Variants in LARS1 observed in about 807,000 individuals in gnomAD.
LARS1 encodes leucine--tRNA ligase, cytoplasmic.
Under a neutral mutation model 162.8 loss-of-function variants are expected in LARS1, and 100 were observed. The observed-to-expected ratio is 0.61, with a 90% CI of 0.52 to 0.73. The LOEUF is 0.73. Ranked by LOEUF, LARS1 falls within the 30% of genes least tolerant of loss-of-function variation. The pLI, the probability that LARS1 is intolerant of heterozygous loss-of-function variation, is 0.00. For synonymous variants in LARS1, 457 were observed against 462.8 expected, an observed-to-expected ratio of 0.99 and a Z score of 0.16; for missense variants, 1,258 against 1,408.9, an observed-to-expected ratio of 0.89 and a Z score of 1.71.
In LARS1 at chr5:146,120,519, G is replaced by C; in HGVS notation, c.3193-16C>G. 6.2e-7 allele frequency: 1 copy of C among 1,605,610 alleles called. No homozygotes were observed. The highest frequency in any genetic ancestry group is 8.5e-7 in the Non-Finnish European group (1 of 1,176,804). On this transcript the variant is annotated splice_polypyrimidine_tract_variant and intron_variant, in intron 30 of 31. Transcript: ENST00000394434. ...ACACACCAGGCTAGGAAAACAACAAGAAAATGATTGTTTAACTTGAATACT... is the reference window on the plus strand; with the variant it reads ...ACACACCAGGCTAGGAAAACAACAACAAAATGATTGTTTAACTTGAATACT...
At chr5:146,140,838 A>ACACACATATAC (rs1752742186) in intron 20 of LARS1, among the ~76,000 whole-genome samples, 2 of 152,036 alleles carry the variant, frequency 1.3e-5, no homozygotes, top group Non-Finnish European at 2.9e-5. Context: ...CACACATATA[A>ACACACATATAC]ATATACACAC....
At chr5:146,143,348 C>T (rs1022886265) in intron 19 of LARS1, 64 bp downstream of exon 19, 51 of 1,524,732 alleles carry the variant, frequency 3.3e-5, no homozygotes, top group South Asian at 6.4e-5. Flanking sequence ...CATTTAAATA[C>T]ATAAATCAAA....
intron 20 of LARS1, 109 bp downstream of exon 20, chr5:146,142,763 C>T (rs1752841243): frequency 3.7e-6 from 3 of 811,650 alleles, no homozygotes; most frequent in Admixed American, 6.1e-5. Flanking sequence ...AAGAATGTAA[C>T]TGGCAAATCT....
chr5:146,148,866 G>T (rs954577589), intron 15 of LARS1, among the ~76,000 whole-genome samples: 2 of 151,852 alleles, frequency 1.3e-5, no homozygotes, highest in Non-Finnish European at 2.9e-5. Flanking sequence ...ACCTGAGGTC[G>T]GGAGTTCGAG....
chr5:146,149,454 G>C (rs571701795), intron 15 of LARS1, among the ~76,000 whole-genome samples, 168 bp downstream of exon 15: 79 of 152,206 alleles, frequency 5.2e-4, no homozygotes, highest in African/African-American at 1.9e-3. Context: ...ATTATAGATG[G>C]GATGTTCAAG....
rs776262874 is a variant in LARS1, at chr5:146,113,778, A to G, written c.*328T>C. The G allele has an allele frequency of 1.2e-5, 3 of 253,854 alleles. No homozygotes were observed. The highest frequency in any genetic ancestry group is 2.3e-5 in the Non-Finnish European group (3 of 131,376). The allele number at this position is 253,854 out of a possible 1,614,324, so 15.7% of individuals were successfully genotyped here. A position where few individuals can be genotyped will look rare whatever the true frequency, so the allele number is the denominator to read the frequency against. ...GGTACACCTTAGCCTTCATCAAAGTATAAAGTACACCTCATAAAAGAAGCA... is the reference window on the plus strand; with the variant it reads ...GGTACACCTTAGCCTTCATCAAAGTGTAAAGTACACCTCATAAAAGAAGCA... On this transcript the variant is annotated 3_prime_UTR_variant, in exon 32 of 32. Coordinates refer to ENST00000394434, the MANE Select transcript of LARS1 (RefSeq NM_020117.11).
intron 28 of LARS1, among the ~76,000 whole-genome samples, chr5:146,124,305 G>A (rs939314070): frequency 6.6e-6 from 1 of 151,738 alleles, no homozygotes; most frequent in Admixed American, 6.6e-5. Flanking sequence ...ATAAGATTAT[G>A]GCAGCACTGA....
chr5:146,168,682 C>T (rs947279048), intron 4 of LARS1, among the ~76,000 whole-genome samples: 5 of 151,750 alleles, frequency 3.3e-5, no homozygotes, highest in Non-Finnish European at 5.9e-5. Context: ...AAGAATGAGT[C>T]CCATGTCTCA....
At chr5:146,135,274 C>A (rs1403672176) in intron 22 of LARS1, among the ~76,000 whole-genome samples, 1 of 151,804 alleles carries the variant, frequency 6.6e-6, no homozygotes, top group Non-Finnish European at 1.5e-5. Flanking sequence ...ACCTCGGCCT[C>A]CCAAAGTGCT....
intron 2 of LARS1, among the ~76,000 whole-genome samples, chr5:146,176,179 C>G (rs1754555221): frequency 6.6e-6 from 1 of 151,434 alleles, no homozygotes; most frequent in Admixed American, 6.6e-5. Context: ...AAAGGCTAGG[C>G]ACGGTGGCTT....
At chr5:146,115,235 A>G (rs1242227255) in intron 31 of LARS1, among the ~76,000 whole-genome samples, 3 of 152,052 alleles carry the variant, frequency 2.0e-5, no homozygotes, top group Non-Finnish European at 1.5e-5. Flanking sequence ...AATCATTTTT[A>G]TATGCTTCAA....
chr5:146,146,632 G>A (rs571047345), intron 15 of LARS1, among the ~76,000 whole-genome samples: 13 of 139,218 alleles, frequency 9.3e-5, no homozygotes, highest in African/African-American at 3.3e-4. Context: ...AAAAATAGGG[G>A]AATTAAGTGA....
chr5:146,120,206 CAG>C (rs1157365610), intron 31 of LARS1, 163 bp downstream of exon 31: 5 of 725,042 alleles, frequency 6.9e-6, no homozygotes, highest in Non-Finnish European at 1.1e-5. Context: ...TACCTAGCCA[CAG>C]AGTCCCAAAA....
At chr5:146,179,443 T>C (rs1754737156) in intron 1 of LARS1, among the ~76,000 whole-genome samples, 1 of 152,084 alleles carries the variant, frequency 6.6e-6, no homozygotes, top group African/African-American at 2.4e-5. Context: ...ATTACAGGCA[T>C]GAGCCACCCA....
rs368776216 is a variant in LARS1 at position 146,142,948 on chromosome 5, C to T, written c.2014G>A (p.Val672Ile). 55 of 1,614,048 alleles carry T rather than the reference C, an allele frequency of 3.4e-5. No individual in the cohort carries two copies. The highest frequency in any genetic ancestry group is 3.9e-5 in the Non-Finnish European group (46 of 1,179,982). Residue 672 changes from valine to isoleucine, a missense_variant, in exon 20 of 32, where the codon GTC (valine) becomes ATC (isoleucine). Transcript: ENST00000394434. ...TTTGGAACAAGATCCTTGCCAGAGACGCGAAGATCAACAGGATACCAGAAT... is the reference window on the plus strand; with the variant it reads ...TTTGGAACAAGATCCTTGCCAGAGATGCGAAGATCAACAGGATACCAGAAT... ...FEFWYPVDLR[V>I]SGKDLVPNHL...
rs1764069468 is a variant in LARS1 at position 146,113,564 on chromosome 5, TGCA to T, written c.*539_*541del. On this transcript the variant is annotated 3_prime_UTR_variant, in exon 32 of 32. Coordinates refer to ENST00000394434, the MANE Select transcript of LARS1 (RefSeq NM_020117.11). ...TAAAGCTTTAAAAAGTCTTATAAAA[TGCA>T]GGACCTATTTGTTCTTTATACAAAA... The T allele has an allele frequency of 6.5e-6, 1 of 152,672 alleles. No individual in the cohort carries two copies. Among genetic ancestry groups the T allele is most frequent in the South Asian group, 2.1e-4 (1 of 4,850 alleles). 9.5% of individuals were successfully genotyped at this position (152,672 alleles called of 1,614,324 possible).
Position 146,159,288 on chromosome 5 carries a change from G to A in LARS1, c.771+119C>T, listed in dbSNP as rs1408897606. 9 of 669,572 alleles carry A rather than the reference G, an allele frequency of 1.3e-5. No homozygotes were observed. In the Admixed American group the frequency reaches 2.1e-4, roughly 16 times the overall value. The allele number at this position is 669,572 out of a possible 1,614,324, so 41.5% of individuals were successfully genotyped here. A position where few individuals can be genotyped will look rare whatever the true frequency, so the allele number is the denominator to read the frequency against. On this transcript the variant is annotated intron_variant, in intron 8 of 31. Transcript: ENST00000394434. The stretch of plus-strand genomic sequence containing the variant: ...TTCTATCTCCTCTTCATATCCACCA[G>A]AGTATCAGGACTACATCCCTCAGCA...
chr5:146,144,583 G>T (rs760965300), intron 16 of LARS1, 41 bp downstream of exon 16: 1 of 1,611,536 alleles, frequency 6.2e-7, no homozygotes, highest in Non-Finnish European at 8.5e-7. Flanking sequence ...TCAAAGGTGA[G>T]CAAATTGACT....
chr5:146,148,368 C>T (rs1468851323), intron 15 of LARS1, among the ~76,000 whole-genome samples: 1 of 152,142 alleles, frequency 6.6e-6, no homozygotes, highest in Non-Finnish European at 1.5e-5. Context: ...TGAAAGCACA[C>T]TGATGTGTTT....
Sources: allele counts gnomAD v4.1 joint callset (sites outside exome capture counted in the v4.1 genomes callset), GRCh38; gene constraint gnomAD v4.1.1; transcripts MANE v1.5; gene names NCBI Gene and HGNC (gene_info 2026-07-23, HGNC 2026-07-21).